The following RNF150 variants were observed in gnomAD, a reference collection of about 807,000 sequenced individuals.
RNF150 encodes the protein ring finger protein 150.
A neutral mutation model predicts 39.3 loss-of-function variants in RNF150; 24 were observed. The ratio of observed to expected loss-of-function variants is 0.61; its 90% confidence interval spans 0.44 to 0.86. The LOEUF is 0.86. Ranked by LOEUF, RNF150 falls within the 40% of genes least tolerant of loss-of-function variation. RNF150 has a pLI of 0.00. For missense variants in RNF150, 502 were observed against 587.8 expected, an observed-to-expected ratio of 0.85 and a Z score of 1.51; for synonymous variants, 255 against 227.3, an observed-to-expected ratio of 1.12 and a Z score of -1.10.
At chr4:141,166,612 A>G in intron 1 of RNF150, among the ~76,000 whole-genome samples, 1 of 152,252 alleles carries the variant, frequency 6.6e-6, no homozygotes, top group East Asian at 1.9e-4. Flanking sequence ...AGTCAGCTTC[A>G]TCCTTGGGAT....
intron 1 of RNF150, among the ~76,000 whole-genome samples, chr4:141,050,509 C>G (rs1736736009): frequency 6.6e-6 from 1 of 152,192 alleles, no homozygotes; most frequent in South Asian, 2.1e-4. Flanking sequence ...TTCCTAGATA[C>G]AATGGGGGTA....
chr4:141,061,311 A>G (rs1228472765), intron 1 of RNF150, among the ~76,000 whole-genome samples: 2 of 152,104 alleles, frequency 1.3e-5, no homozygotes, highest in Non-Finnish European at 2.9e-5. Context: ...TTCTTTCCAT[A>G]CCATTTCAGA....
intron 4 of RNF150, among the ~76,000 whole-genome samples, chr4:140,947,248 C>T (rs1004786863): frequency 6.6e-6 from 1 of 151,970 alleles, no homozygotes; most frequent in African/African-American, 2.4e-5. Context: ...AATTACCACA[C>T]TGTTCATGTT....
intron 1 of RNF150, among the ~76,000 whole-genome samples, chr4:141,181,653 C>G (rs1012979469): frequency 6.6e-6 from 1 of 152,124 alleles, no homozygotes; most frequent in African/African-American, 2.4e-5. Flanking sequence ...TTACTGTCAT[C>G]AAATGTTCAT....
At chr4:140,975,366 G>A (rs1345209385) in intron 1 of RNF150, among the ~76,000 whole-genome samples, 1 of 152,172 alleles carries the variant, frequency 6.6e-6, no homozygotes, top group Non-Finnish European at 1.5e-5. Flanking sequence ...GTGAGTTTGT[G>A]CAGATTTTGA....
rs568678898 is a variant in RNF150 at position 141,000,908 on chromosome 4, T to C, written c.485-33035A>G. Among the ~76,000 whole-genome samples the C allele has an allele frequency of 2.1e-4, 32 of 152,230 alleles. 1 individual carries two copies. The highest frequency in any genetic ancestry group is 2.6e-4 in the Admixed American group (4 of 15,282). ...TATGACAGTATAAAACCTTTTCAGCTGAGTTTTATAAGTCCTATGTCAAAA... is the reference window on the plus strand; with the variant it reads ...TATGACAGTATAAAACCTTTTCAGCCGAGTTTTATAAGTCCTATGTCAAAA... On this transcript the variant is annotated intron_variant, in intron 1 of 6. Transcript: ENST00000515673.
At chr4:141,138,855 A>G (rs1387023506) in intron 1 of RNF150, among the ~76,000 whole-genome samples, 1 of 152,222 alleles carries the variant, frequency 6.6e-6, no homozygotes, top group South Asian at 2.1e-4. Context: ...AGGGGTCAGG[A>G]CAAGAAGAGT....
chr4:140,968,143 G>A lies in RNF150; in HGVS notation c.485-270C>T, dbSNP rs549117094. On this transcript the variant is annotated intron_variant, in intron 1 of 6. Transcript: ENST00000515673. ...AGTACCAGTGAAGTCATAATCTTGC[G>A]ATGCCCTTTTCAACTCTCCAAAGCA... Among the ~76,000 whole-genome samples, 13 of 152,086 alleles carry A rather than the reference G, an allele frequency of 8.5e-5. No individual in the cohort carries two copies. In the East Asian group the frequency reaches 2.3e-3, roughly 27 times the overall value.
intron 6 of RNF150, among the ~76,000 whole-genome samples, chr4:140,891,974 C>G (rs890972068): frequency 3.3e-5 from 5 of 152,148 alleles, no homozygotes; most frequent in African/African-American, 9.7e-5. Flanking sequence ...CACCGTCCCC[C>G]CAACCACCTC....
intron 1 of RNF150, among the ~76,000 whole-genome samples, chr4:141,151,967 A>G (rs1727310665): frequency 6.6e-6 from 1 of 152,166 alleles, no homozygotes; most frequent in Non-Finnish European, 1.5e-5. Flanking sequence ...TTCATGATGT[A>G]GGTCTGCCAT....
chr4:141,046,748 C>A (rs936592391), intron 1 of RNF150, among the ~76,000 whole-genome samples: 1 of 152,158 alleles, frequency 6.6e-6, no homozygotes, highest in African/African-American at 2.4e-5. Context: ...GGAATTATTA[C>A]AAGAGAGTGC....
intron 2 of RNF150, among the ~76,000 whole-genome samples, chr4:140,962,065 T>TTCTCTCTC (rs70946717): frequency 1.3e-5 from 2 of 149,084 alleles, no homozygotes; most frequent in African/African-American, 2.5e-5. Context: ...TCTCTCTCTC[T>TTCTCTCTC]TCTCTCTCTC....
At chr4:141,093,072 A>G (rs749396133) in intron 1 of RNF150, among the ~76,000 whole-genome samples, 3 of 152,114 alleles carry the variant, frequency 2.0e-5, no homozygotes, top group Non-Finnish European at 2.9e-5. Context: ...GGAGGATAAA[A>G]AAGGGAACTG....
At chr4:141,109,606 G>T (rs1432490789) in intron 1 of RNF150, among the ~76,000 whole-genome samples, 1 of 152,000 alleles carries the variant, frequency 6.6e-6, no homozygotes, top group African/African-American at 2.4e-5. Context: ...TTTAAGATGG[G>T]CCTTGAAGGG....
intron 1 of RNF150, among the ~76,000 whole-genome samples, chr4:140,974,574 A>C (rs2111441259): frequency 6.6e-6 from 1 of 152,328 alleles, no homozygotes; most frequent in East Asian, 1.9e-4. Flanking sequence ...TAAGAAACGG[A>C]CAAACTGTTT....
In RNF150 at chr4:141,132,908, C is replaced by T; in HGVS notation, c.-100G>A. The T allele has an allele frequency of 1.0e-6, 1 of 979,508 alleles. No homozygotes were observed. The highest frequency in any genetic ancestry group is 2.1e-5 in the Admixed American group (1 of 46,778). 60.7% of individuals were successfully genotyped at this position (979,508 alleles called of 1,614,324 possible). On this transcript the variant is annotated 5_prime_UTR_variant, in exon 1 of 7. Coordinates refer to ENST00000515673, the MANE Select transcript of RNF150 (RefSeq NM_020724.2). This position sits in a 1 kb window ranked among gnomAD's most constrained non-coding sequence, Gnocchi z 4.9. Reference sequence around the variant, plus strand: ...CCCCGGGCCGCTGCCTCTCCTCCTGCTGCTGCTCACTCCCGGGCCGGAGGG... The same window carrying T: ...CCCCGGGCCGCTGCCTCTCCTCCTGTTGCTGCTCACTCCCGGGCCGGAGGG...
At chr4:141,119,054 C>T (rs1410584854) in intron 1 of RNF150, among the ~76,000 whole-genome samples, 1 of 152,188 alleles carries the variant, frequency 6.6e-6, no homozygotes, top group African/African-American at 2.4e-5. Context: ...AGGCACCGCA[C>T]CCAGCCATAT....
At chr4:141,199,878 A>G (rs1482444093) in intron 1 of RNF150, among the ~76,000 whole-genome samples, 2 of 152,242 alleles carry the variant, frequency 1.3e-5, no homozygotes, top group Admixed American at 6.5e-5. Context: ...CAAATTATAC[A>G]TAAGGAAATA....
chr4:141,205,387 T>C (rs1318728544), intron 1 of RNF150, among the ~76,000 whole-genome samples: 2 of 152,194 alleles, frequency 1.3e-5, no homozygotes, highest in Admixed American at 1.3e-4. Flanking sequence ...TTCTTTTCTA[T>C]ACTATGCTTC....
Sources: allele counts gnomAD v4.1 joint callset (sites outside exome capture counted in the v4.1 genomes callset), GRCh38; gene constraint gnomAD v4.1.1; non-coding constraint Gnocchi (gnomAD v3.1); transcripts MANE v1.5; gene names NCBI Gene and HGNC (gene_info 2026-07-23, HGNC 2026-07-21).